INSR: variants seen among roughly 807,000 people sequenced by gnomAD.
The protein encoded by INSR is IR.
A neutral mutation model predicts 142.6 loss-of-function variants in INSR; 67 were observed. The ratio of observed to expected loss-of-function variants is 0.47; its 90% confidence interval spans 0.39 to 0.58. INSR has a LOEUF of 0.58. Ranked by LOEUF, INSR falls within the 20% of genes least tolerant of loss-of-function variation. The probability of loss-of-function intolerance (pLI) is 0.00; values close to 1 mark genes in which losing one functional copy is unlikely to be tolerated. For synonymous variants in INSR, 756 were observed against 743.1 expected (o/e 1.02, Z -0.28); for missense variants, 1,248 against 1,833.2 (o/e 0.68, Z 5.83).
chr19:7,202,953 G>A (rs1234419926), intron 2 of INSR, among the ~76,000 whole-genome samples: 1 of 147,226 alleles, frequency 6.8e-6, no homozygotes, highest in Non-Finnish European at 1.5e-5. Flanking sequence ...CCCGTACAAT[G>A]TCTGCTTTTT....
chr19:7,176,526 A>G (rs887518597), intron 3 of INSR, among the ~76,000 whole-genome samples: 9 of 152,274 alleles, frequency 5.9e-5, no homozygotes, highest in Admixed American at 4.6e-4. Context: ...GCTTGAACTC[A>G]GGAGGTGGAG....
chr19:7,161,759 G>A (rs769213349), intron 9 of INSR, among the ~76,000 whole-genome samples: 7 of 152,134 alleles, frequency 4.6e-5, no homozygotes, highest in Non-Finnish European at 1.0e-4. Flanking sequence ...AAGAGAACAA[G>A]GAAGGCAGGG....
chr19:7,256,749 A>C (rs993023260), intron 2 of INSR, among the ~76,000 whole-genome samples: 25 of 152,040 alleles, frequency 1.6e-4, no homozygotes, highest in African/African-American at 6.0e-4. Flanking sequence ...ACAAGAAAAA[A>C]AAATGCCAAT....
chr19:7,293,023 C>T (rs1968537896), intron 1 of INSR, among the ~76,000 whole-genome samples: 1 of 152,150 alleles, frequency 6.6e-6, no homozygotes, highest in African/African-American at 2.4e-5. Flanking sequence ...CCTACATGAG[C>T]CTCAGTTTAC....
In INSR at chr19:7,192,307, G is replaced by GAAAAA. The variant is rs151219612; in HGVS notation, c.653-7675_653-7671dup. On this transcript the variant is annotated intron_variant, in intron 2 of 21. Transcript: ENST00000302850. The surrounding 1 kb of genome is among the most constrained non-coding windows in gnomAD (Gnocchi z 4.2). ...GAAAAGAAAAGAAAAGAAAAGAAAAGAAAAAAATCACAGGCAGCCCAGGCT... is the reference window on the plus strand; with the variant it reads ...GAAAAGAAAAGAAAAGAAAAGAAAAGAAAAAAAAAAAATCACAGGCAGCCCAGGCT... Among the ~76,000 whole-genome samples, 1 of 128,258 alleles carries GAAAAA rather than the reference G, an allele frequency of 7.8e-6. No homozygotes were observed. Among genetic ancestry groups the GAAAAA allele is most frequent in the Non-Finnish European group, 1.7e-5 (1 of 60,354 alleles). 84.1% of individuals were successfully genotyped at this position (128,258 alleles called of 152,430 possible).
At chr19:7,148,983 C>T (rs1347064414) in intron 11 of INSR, among the ~76,000 whole-genome samples, 2 of 151,490 alleles carry the variant, frequency 1.3e-5, no homozygotes, top group African/African-American at 2.4e-5. Context: ...CTTGTAGTAA[C>T]GGGGTTTCAC....
chr19:7,234,421 T>G (rs1976093653), intron 2 of INSR, among the ~76,000 whole-genome samples: 1 of 152,158 alleles, frequency 6.6e-6, no homozygotes, highest in South Asian at 2.1e-4. Flanking sequence ...TTGCCCAGGC[T>G]GGTCTTGAAG....
chr19:7,150,388 C>T lies in INSR; in HGVS notation c.2267+109G>A, dbSNP rs1973306229. ...GCATCTGCTCTCCAGCACAGCTGCCCGCCGCATGCAAAAAGCCACAGAAAC... is the reference window on the plus strand; with the variant it reads ...GCATCTGCTCTCCAGCACAGCTGCCTGCCGCATGCAAAAAGCCACAGAAAC... On this transcript the variant is annotated intron_variant, in intron 11 of 21. Coordinates refer to ENST00000302850, the MANE Select transcript of INSR (RefSeq NM_000208.4). This position sits in a 1 kb window ranked among gnomAD's most constrained non-coding sequence, Gnocchi z 4.2. 3 of 927,642 alleles carry T rather than the reference C, an allele frequency of 3.2e-6. No individual in the cohort carries two copies. Among genetic ancestry groups the T allele is most frequent in the Admixed American group, 1.9e-5 (1 of 51,536 alleles). 57.5% of individuals were successfully genotyped at this position (927,642 alleles called of 1,614,324 possible).
chr19:7,207,901 A>AAAGGAAGGAAGGAAGGAAGGAAGG (rs35679001), intron 2 of INSR, among the ~76,000 whole-genome samples: 1,626 of 72,760 alleles, frequency 0.022, 45 homozygotes, highest in South Asian at 0.043. Context: ...GGAAGGAAGG[A>AAAGGAAGGAAGGAAGGAAGGAAGG]AAGGAAGGAA....
chr19:7,202,037 C>T (rs1974974841), intron 2 of INSR, among the ~76,000 whole-genome samples: 1 of 152,066 alleles, frequency 6.6e-6, no homozygotes, highest in Admixed American at 6.6e-5. Context: ...TTGATTCCTC[C>T]CTCTAAAACA....
In INSR at chr19:7,115,059, T is replaced by C. The variant is rs1178220952; in HGVS notation, c.*1997A>G. 6.6e-6 allele frequency: 1 copy of C among 152,162 alleles called. No individual in the cohort carries two copies. Among genetic ancestry groups the C allele is most frequent in the African/African-American group, 2.4e-5 (1 of 41,438 alleles). The allele number at this position is 152,162 out of a possible 1,614,324, so 9.4% of individuals were successfully genotyped here. On this transcript the variant is annotated 3_prime_UTR_variant, in exon 22 of 22. Coordinates refer to ENST00000302850, the MANE Select transcript of INSR (RefSeq NM_000208.4). The stretch of plus-strand genomic sequence containing the variant: ...ATTTTCCCGAATCATATAAATAAGA[T>C]AGCAATAGACAATTGGGATTCATGT...
At chr19:7,207,944 A>AGGGAGGGAG (rs1212774941) in intron 2 of INSR, among the ~76,000 whole-genome samples, 2 of 46,432 alleles carry the variant, frequency 4.3e-5, no homozygotes, top group African/African-American at 1.1e-4. Context: ...AAGGAAGGGA[A>AGGGAGGGAG]GGAGGGAGGG....
rs933960525 is a variant in INSR, at chr19:7,181,561, T to A, written c.974+2755A>T. Among the ~76,000 whole-genome samples, 47 of 56,096 alleles carry A rather than the reference T, an allele frequency of 8.4e-4. 1 individual carries two copies. Among genetic ancestry groups the A allele is most frequent in the African/African-American group, 9.5e-4 (12 of 12,620 alleles). 36.8% of individuals were successfully genotyped at this position (56,096 alleles called of 152,430 possible). ...TGGAACGACAGTAGATGGTGAGACC[T>A]TTTTTTTTTTTTTTTTGGAGATGCA... is the stretch of plus-strand genomic sequence containing the variant. On this transcript the variant is annotated intron_variant, in intron 3 of 21. Transcript: ENST00000302850.
intron 11 of INSR, among the ~76,000 whole-genome samples, chr19:7,148,637 C>T (rs1973241400): frequency 6.6e-6 from 1 of 150,688 alleles, no homozygotes; most frequent in South Asian, 2.1e-4. Context: ...GTCACCATGC[C>T]CGGCTAATTT....
intron 1 of INSR, among the ~76,000 whole-genome samples, chr19:7,274,599 G>A (rs190090119): frequency 6.6e-6 from 1 of 151,922 alleles, no homozygotes; most frequent in Non-Finnish European, 1.5e-5. Flanking sequence ...AGGAGATCAA[G>A]ACCATCCTGG....
intron 1 of INSR, among the ~76,000 whole-genome samples, chr19:7,284,522 C>T (rs1013821914): frequency 1.3e-5 from 2 of 151,852 alleles, no homozygotes; most frequent in Non-Finnish European, 2.9e-5. Flanking sequence ...ACAAAAAGGA[C>T]TCAGGTTTTT....
chr19:7,167,847 A>G, intron 7 of INSR, 121 bp downstream of exon 7: 2 of 1,207,520 alleles, frequency 1.7e-6, no homozygotes, highest in Non-Finnish European at 2.4e-6. Context: ...TAAGATATTT[A>G]TTCCAGGAGG....
intron 2 of INSR, among the ~76,000 whole-genome samples, chr19:7,252,588 G>A (rs909363267): frequency 7.2e-5 from 11 of 152,154 alleles, no homozygotes; most frequent in Non-Finnish European, 1.0e-4. Context: ...AAACAACGCC[G>A]TGCTTCGCAC....
intron 2 of INSR, among the ~76,000 whole-genome samples, chr19:7,242,009 A>G (rs1263163401): frequency 2.0e-5 from 3 of 152,006 alleles, no homozygotes; most frequent in Admixed American, 6.6e-5. Context: ...AAAATTAGCC[A>G]GGTATGGTGG....
Sources: allele counts gnomAD v4.1 joint callset (sites outside exome capture counted in the v4.1 genomes callset), GRCh38; gene constraint gnomAD v4.1.1; non-coding constraint Gnocchi (gnomAD v3.1); transcripts MANE v1.5; gene names NCBI Gene and HGNC (gene_info 2026-07-23, HGNC 2026-07-21).